NEBL: variants seen among roughly 807,000 people sequenced by gnomAD.
NEBL encodes the protein nebulette.
A neutral mutation model predicts 140.2 loss-of-function variants in NEBL; 122 were observed. The ratio of observed to expected loss-of-function variants is 0.87; its 90% CI spans 0.75 to 1.01. The LOEUF is 1.01. NEBL is among the 50% of genes least tolerant of loss of function. The probability of loss-of-function intolerance (pLI) is 0.00; values close to 1 mark genes in which losing one functional copy is unlikely to be tolerated. For missense variants in NEBL, 1,365 were observed against 1,231.3 expected (o/e 1.11, Z -1.62); for synonymous variants, 436 against 398.9 (o/e 1.09, Z -1.11).
chr10:20,838,124 T>C (rs778412608), intron 13 of NEBL, among the ~76,000 whole-genome samples: 3 of 152,332 alleles, frequency 2.0e-5, no homozygotes, highest in Admixed American at 6.5e-5. Flanking sequence ...ATACATTTCA[T>C]AGGGCTATAC....
At chr10:21,152,128 G>A (rs1355108166) in intron 2 of NEBL, among the ~76,000 whole-genome samples, 1 of 152,188 alleles carries the variant, frequency 6.6e-6, no homozygotes, top group African/African-American at 2.4e-5. Context: ...GGACAGAGAA[G>A]GCAAGTCTTC....
Position 21,114,043 on chromosome 10 carries a change from C to T in NEBL, c.164+58340G>A, listed in dbSNP as rs182127748. ...CCTTCTAGTTTTCTAATATAATACA[C>T]TTTTAATGCTATTAATTTCCCTTTA... is the stretch of plus-strand genomic sequence containing the variant. On this transcript the variant is annotated intron_variant, in intron 2 of 6. Coordinates refer to the NEBL transcript ENST00000417816. Among the ~76,000 whole-genome samples the T allele has an allele frequency of 2.0e-3, 299 of 152,138 alleles. 1 individual carries two copies. The highest frequency in any genetic ancestry group is 0.01 in the Middle Eastern group (3 of 294).
At chr10:20,820,050 T>C (rs1162968949) in intron 19 of NEBL, among the ~76,000 whole-genome samples, 1 of 152,198 alleles carries the variant, frequency 6.6e-6, no homozygotes, top group African/African-American at 2.4e-5. Context: ...TAAAGCAACA[T>C]TTATCAAATT....
chr10:20,839,777 T>C (rs1487620988), intron 13 of NEBL, among the ~76,000 whole-genome samples: 2 of 152,102 alleles, frequency 1.3e-5, no homozygotes, highest in African/African-American at 4.8e-5. Context: ...TAGAGATTAA[T>C]CCAAGGAGAT....
At chr10:21,238,300 A>T (rs2132261343) in intron 3 of NEBL, among the ~76,000 whole-genome samples, 2 of 152,346 alleles carry the variant, frequency 1.3e-5, no homozygotes, top group South Asian at 4.1e-4. Context: ...TCATGTAACA[A>T]TGTCCAGGTG....
chr10:21,091,885 G>A (rs1415388083), intron 2 of NEBL, among the ~76,000 whole-genome samples: 5 of 152,184 alleles, frequency 3.3e-5, no homozygotes, highest in Non-Finnish European at 7.3e-5. Context: ...TCTTGCCTCA[G>A]CCTCTCAAAA....
intron 3 of NEBL, among the ~76,000 whole-genome samples, chr10:21,191,057 T>G (rs1841565837): frequency 6.6e-6 from 1 of 152,214 alleles, no homozygotes; most frequent in Admixed American, 6.5e-5. Context: ...TTTTTATTGA[T>G]GGAGGAACCT....
At chr10:20,827,637 G>A (rs1840002559) in intron 17 of NEBL, among the ~76,000 whole-genome samples, 1 of 152,136 alleles carries the variant, frequency 6.6e-6, no homozygotes, top group South Asian at 2.1e-4. Flanking sequence ...TAGTGCTGAT[G>A]CACTATTTAC....
At chr10:21,242,074 C>A (rs1440612170) in intron 3 of NEBL, among the ~76,000 whole-genome samples, 2 of 152,106 alleles carry the variant, frequency 1.3e-5, no homozygotes, top group Admixed American at 1.3e-4. Flanking sequence ...TGGTGGCACA[C>A]ACCTGTGGTC....
chr10:21,173,023 T>A lies in NEBL; in HGVS notation c.70-546A>T, dbSNP rs1841150318. 6.6e-6 allele frequency among the ~76,000 whole-genome samples: 1 copy of A among 152,176 alleles called. No homozygotes were observed. Among genetic ancestry groups the A allele is most frequent in the African/African-American group, 2.4e-5 (1 of 41,454 alleles). On this transcript the variant is annotated intron_variant, in intron 1 of 6. Transcript: ENST00000417816. This position sits in a 1 kb window ranked among gnomAD's most constrained non-coding sequence, Gnocchi z 5.7. ...GCAGCTTGTTCTAAGGAAGCATTTG[T>A]ATCTTCAGACGCAAATTTCCCCAGA...
At chr10:21,000,742 A>T (rs1225863687) in intron 3 of NEBL, among the ~76,000 whole-genome samples, 1 of 152,202 alleles carries the variant, frequency 6.6e-6, no homozygotes, top group Non-Finnish European at 1.5e-5. Flanking sequence ...AAAAGACTGC[A>T]ATGGAGCAGA....
intron 26 of NEBL, among the ~76,000 whole-genome samples, chr10:20,788,430 A>G (rs1835625353): frequency 6.6e-6 from 1 of 152,158 alleles, no homozygotes; most frequent in Non-Finnish European, 1.5e-5. Context: ...GTTATGAATA[A>G]TTAATATTTT....
intron 3 of NEBL, among the ~76,000 whole-genome samples, chr10:21,203,758 G>T (rs143288454): frequency 6.6e-6 from 1 of 152,094 alleles, no homozygotes; most frequent in Non-Finnish European, 1.5e-5. Context: ...GCACAGTATC[G>T]AAAGCTCCTT....
At chr10:21,197,863 G>A (rs1841675652) in intron 3 of NEBL, among the ~76,000 whole-genome samples, 1 of 152,094 alleles carries the variant, frequency 6.6e-6, no homozygotes, top group South Asian at 2.1e-4. Flanking sequence ...TCCATGTCCT[G>A]ATGATTTCAT....
At chr10:21,133,945 G>A (rs144055823) in intron 2 of NEBL, among the ~76,000 whole-genome samples, 148 of 152,224 alleles carry the variant, frequency 9.7e-4, no homozygotes, top group African/African-American at 3.3e-3. Context: ...TAAAAGGGCC[G>A]GGCACAGTGG....
chr10:20,855,245 G>GT (rs951537145), intron 9 of NEBL, among the ~76,000 whole-genome samples: 100 of 144,312 alleles, frequency 6.9e-4, no homozygotes, highest in African/African-American at 1.8e-3. Flanking sequence ...AAAAAAAAGT[G>GT]TTTTTTTTTT....
chr10:20,893,045 A>G (rs1847156253), intron 2 of NEBL, among the ~76,000 whole-genome samples: 1 of 152,210 alleles, frequency 6.6e-6, no homozygotes, highest in South Asian at 2.1e-4. Context: ...AACAACGTTC[A>G]TTTGCCTGGA....
chr10:21,146,233 G>T (rs954926755), intron 2 of NEBL: 1 of 858,626 alleles, frequency 1.2e-6, no homozygotes, highest in African/African-American at 1.7e-5. Flanking sequence ...AGGGTACTCC[G>T]TTCACCCCTC....
intron 2 of NEBL, chr10:21,110,641 C>T (rs889348171): frequency 4.7e-5 from 18 of 383,754 alleles, no homozygotes; most frequent in Non-Finnish European, 8.6e-5. Flanking sequence ...TCATTTATCT[C>T]CATCCATCTT....
Sources: gnomAD v4.1 joint callset for allele counts (sites outside exome capture counted in the v4.1 genomes callset) on GRCh38, gnomAD v4.1.1 for gene constraint, Gnocchi (gnomAD v3.1) non-coding constraint, MANE v1.5 for transcripts, NCBI Gene and HGNC (gene_info 2026-07-23, HGNC 2026-07-21) for gene names.